API5: variants seen among roughly 807,000 people sequenced by gnomAD.
API5 encodes the protein apoptosis inhibitor 5.
A neutral mutation model predicts 71.9 loss-of-function variants in API5; 6 were observed. The observed-to-expected ratio is 0.08, with a 90% CI of 0.05 to 0.16. The LOEUF is 0.16. Ranked by LOEUF, API5 falls within the 10% of genes least tolerant of loss-of-function variation. API5 has a pLI of 1.00. For synonymous variants in API5, 189 were observed against 221.3 expected, an observed-to-expected ratio of 0.85 and a Z score of 1.30; for missense variants, 332 against 612.8, an observed-to-expected ratio of 0.54 and a Z score of 4.84.
intron 2 of API5, among the ~76,000 whole-genome samples, chr11:43,320,028 G>A (rs765476181): frequency 2.1e-3 from 318 of 150,818 alleles, no homozygotes; most frequent in Non-Finnish European, 3.2e-3. Flanking sequence ...AGATTAAATT[G>A]GAGCAAATTC....
intron 3 of API5, 92 bp from the exon 4 acceptor site, chr11:43,321,319 C>A: frequency 1.9e-6 from 2 of 1,079,734 alleles, no homozygotes; most frequent in South Asian, 1.4e-5. Flanking sequence ...TCAATGTAAC[C>A]TTGAGAAACT....
intron 6 of API5, among the ~76,000 whole-genome samples, chr11:43,326,005 C>T (rs977777776): frequency 6.6e-6 from 1 of 152,220 alleles, no homozygotes; most frequent in East Asian, 1.9e-4. Flanking sequence ...TCATTCCTCT[C>T]ATCAAACAGG....
At chr11:43,326,647 A>C in intron 7 of API5, 36 bp downstream of exon 7, 1 of 1,150,802 alleles carries the variant, frequency 8.7e-7, no homozygotes, top group South Asian at 1.3e-5. Context: ...CTGATAAGGC[A>C]TTCTTATATT....
chr11:43,315,576 C>CATACATACAT (rs1172244275), intron 1 of API5, among the ~76,000 whole-genome samples: 1 of 152,142 alleles, frequency 6.6e-6, no homozygotes, highest in East Asian at 1.9e-4. Flanking sequence ...TACACACACA[C>CATACATACAT]ATACATACAT....
chr11:43,321,774 A>C (rs1321419051), intron 4 of API5, among the ~76,000 whole-genome samples: 1 of 152,216 alleles, frequency 6.6e-6, no homozygotes, highest in Non-Finnish European at 1.5e-5. Flanking sequence ...TAAAAAAGGA[A>C]AGTCATGCTT....
intron 13 of API5, among the ~76,000 whole-genome samples, chr11:43,340,840 C>T (rs1299946362): frequency 6.6e-6 from 1 of 151,892 alleles, no homozygotes; most frequent in Non-Finnish European, 1.5e-5. Context: ...ATAAAACTAC[C>T]ATAAGAGAAA....
At chr11:43,327,167 G>A (rs1305492956) in intron 7 of API5, among the ~76,000 whole-genome samples, 1 of 152,236 alleles carries the variant, frequency 6.6e-6, no homozygotes, top group Non-Finnish European at 1.5e-5. Context: ...GGAAATGCGT[G>A]TGCCATTTCC....
chr11:43,322,158 G>T (rs920649991), intron 5 of API5, 22 bp downstream of exon 5: 2 of 1,575,042 alleles, frequency 1.3e-6, no homozygotes. Flanking sequence ...TCTTCATTTG[G>T]TGGAAATTCT....
At position 43,312,037 on chromosome 11, in the gene API5, T is replaced by A. The variant is rs5743212; in HGVS notation, c.-91T>A. On this transcript the variant is annotated 5_prime_UTR_variant, in exon 1 of 14. Transcript: ENST00000531273. Reference sequence around the variant, plus strand: ...CTGGCGGCAGCTGGAGGTGTAATAGTGCGGGTAGTGGGTTTGGAGAAGTTC... The same window carrying A: ...CTGGCGGCAGCTGGAGGTGTAATAGAGCGGGTAGTGGGTTTGGAGAAGTTC... 4,784 of 1,424,280 alleles carry A rather than the reference T, an allele frequency of 3.4e-3. 18 individuals carry two copies. Among genetic ancestry groups the A allele is most frequent in the South Asian group, 0.011 (878 of 83,544 alleles). The allele number at this position is 1,424,280 out of a possible 1,614,324, so 88.2% of individuals were successfully genotyped here.
At chr11:43,321,638 A>G (rs1186775836) in intron 4 of API5, among the ~76,000 whole-genome samples, 162 bp downstream of exon 4, 2 of 152,210 alleles carry the variant, frequency 1.3e-5, no homozygotes, top group African/African-American at 2.4e-5. Flanking sequence ...GTTTATGACT[A>G]GAAAAACGAG....
At chr11:43,326,469 T>G (rs773876074) in intron 6 of API5, 38 bp from the exon 7 acceptor site, 2 of 1,274,208 alleles carry the variant, frequency 1.6e-6, no homozygotes, top group Non-Finnish European at 1.1e-6. Context: ...AGCGAATATT[T>G]GTTTTTCGAC....
intron 11 of API5, among the ~76,000 whole-genome samples, chr11:43,332,285 A>T (rs1433142261): frequency 6.6e-6 from 1 of 152,132 alleles, no homozygotes; most frequent in Non-Finnish European, 1.5e-5. Context: ...GTGTCCTCCA[A>T]TTCAGTCCTG....
intron 11 of API5, 52 bp downstream of exon 11, chr11:43,330,616 T>A: frequency 1.4e-6 from 2 of 1,379,348 alleles, no homozygotes; most frequent in Non-Finnish European, 2.0e-6. Flanking sequence ...AAATCATACA[T>A]TTATTTATTT....
intron 6 of API5, 119 bp from the exon 7 acceptor site, chr11:43,326,388 G>A (rs898352549): frequency 1.7e-5 from 11 of 650,240 alleles, no homozygotes; most frequent in African/African-American, 9.0e-5. Context: ...GCACTATATC[G>A]TATTTGTAGT....
chr11:43,325,615 C>T (rs927458601), intron 6 of API5, among the ~76,000 whole-genome samples: 1 of 152,136 alleles, frequency 6.6e-6, no homozygotes, highest in East Asian at 1.9e-4. Flanking sequence ...CCATTGCACT[C>T]AGATTAGCTG....
chr11:43,324,323 AT>A (rs1325628057), intron 6 of API5, among the ~76,000 whole-genome samples: 1 of 151,938 alleles, frequency 6.6e-6, no homozygotes, highest in African/African-American at 2.4e-5. Flanking sequence ...TGGCCAATAA[AT>A]TTTTTTTAAG....
chr11:43,328,573 A>T lies in API5; in HGVS notation c.946-139A>T, dbSNP rs1375842985. 5 of 753,828 alleles carry T rather than the reference A, an allele frequency of 6.6e-6. No homozygotes were observed. The African/African-American group carries it at 8.8e-5, about 13-fold the overall frequency. The allele number at this position is 753,828 out of a possible 1,614,324, so 46.7% of individuals were successfully genotyped here. On this transcript the variant is annotated intron_variant, in intron 8 of 13. Coordinates refer to ENST00000531273, the MANE Select transcript of API5 (RefSeq NM_001142930.2). ...GGCTAGAGCATTGATCCAGTAAGTA[A>T]AAAAGAAATCCAAATGTCTGGTTTT...
At chr11:43,315,401 ATTT>A (rs961778539) in intron 1 of API5, among the ~76,000 whole-genome samples, 2 of 152,028 alleles carry the variant, frequency 1.3e-5, no homozygotes, top group African/African-American at 2.4e-5. Context: ...TTATTTATTT[ATTT>A]ATTTATTGCT....
Position 43,342,421 on chromosome 11 carries a change from T to G in API5, c.1493-7T>G, listed in dbSNP as rs1434486140. The G allele has an allele frequency of 2.5e-6, 4 of 1,589,224 alleles. No homozygotes were observed. Among genetic ancestry groups the G allele is most frequent in the Non-Finnish European group, 3.4e-6 (4 of 1,168,878 alleles). On this transcript the variant is annotated splice_polypyrimidine_tract_variant and splice_region_variant and intron_variant, in intron 13 of 13. Transcript: ENST00000531273. ...CAAGACCTAAACCCTTGTTCGCTTT[T>G]TCGTAGAGCAGAGAGGAGCCTTCAG...
Sources: allele counts gnomAD v4.1 joint callset (sites outside exome capture counted in the v4.1 genomes callset), GRCh38; gene constraint gnomAD v4.1.1; transcripts MANE v1.5; gene names NCBI Gene and HGNC (gene_info 2026-07-23, HGNC 2026-07-21).